Variants in CFDP1 observed in about 807,000 individuals in gnomAD.
The protein encoded by CFDP1 is heterochromatin-stabilizing protein CFDP1.
A neutral mutation model predicts 40.1 loss-of-function variants in CFDP1; 31 were observed. The ratio of observed to expected loss-of-function variants is 0.77; its 90% CI spans 0.58 to 1.04. The LOEUF (loss-of-function observed/expected upper bound fraction) is 1.04. CFDP1 is among the 50% of genes least tolerant of loss of function. The probability of loss-of-function intolerance (pLI) is 0.00; values close to 1 mark genes in which losing one functional copy is unlikely to be tolerated. For synonymous variants in CFDP1, 167 were observed against 120.0 expected (o/e 1.39, Z -2.56); for missense variants, 423 against 343.4 (o/e 1.23, Z -1.83).
chr16:75,400,163 T>G (rs1333128884), intron 4 of CFDP1, among the ~76,000 whole-genome samples: 1 of 149,460 alleles, frequency 6.7e-6, no homozygotes, highest in Non-Finnish European at 1.5e-5. Flanking sequence ...GCACCTGTAG[T>G]CCTAGATGCT....
At chr16:75,383,726 G>C (rs536065466) in intron 5 of CFDP1, among the ~76,000 whole-genome samples, 31 of 151,444 alleles carry the variant, frequency 2.0e-4, no homozygotes, top group African/African-American at 7.5e-4. Context: ...AGCTGAGGCA[G>C]GAGAATTGCT....
At chr16:75,297,636 T>G (rs1295632942) in intron 6 of CFDP1, among the ~76,000 whole-genome samples, 1 of 152,218 alleles carries the variant, frequency 6.6e-6, no homozygotes, top group Non-Finnish European at 1.5e-5. Context: ...CAGGGAAGCC[T>G]AGTGGTGGGG....
At chr16:75,351,075 T>C (rs1010460271) in intron 5 of CFDP1, among the ~76,000 whole-genome samples, 3 of 152,156 alleles carry the variant, frequency 2.0e-5, no homozygotes, top group East Asian at 1.9e-4. Flanking sequence ...AATAGGTCAA[T>C]GTATGTATTG....
intron 5 of CFDP1, among the ~76,000 whole-genome samples, chr16:75,357,580 C>T (rs1480169499): frequency 6.6e-6 from 1 of 152,150 alleles, no homozygotes. Context: ...AGGAAAGAAT[C>T]TCATGAACAA....
chr16:75,357,306 G>A (rs186280661), intron 5 of CFDP1, among the ~76,000 whole-genome samples: 1 of 151,982 alleles, frequency 6.6e-6, no homozygotes, highest in East Asian at 1.9e-4. Flanking sequence ...CCAGGATGGA[G>A]TGTAGTGGCA....
rs1002769443 is a variant in CFDP1, at chr16:75,431,473, AAAAAG to A, written c.64+1811_64+1815del. 2.1e-4 allele frequency among the ~76,000 whole-genome samples: 31 copies of A among 146,250 alleles called. 1 individual carries two copies. Among genetic ancestry groups the A allele is most frequent in the African/African-American group, 7.1e-4 (27 of 37,980 alleles). On this transcript the variant is annotated intron_variant, in intron 1 of 6. Coordinates refer to ENST00000283882, the MANE Select transcript of CFDP1 (RefSeq NM_006324.3). ...TTGTCTCAAAAAAAAAAAAAAAAAA[AAAAAG>A]AAAAGAAAAGAAAATCGATCGGGTG...
At chr16:75,318,645 C>A (rs538857199) in intron 5 of CFDP1, among the ~76,000 whole-genome samples, 154 of 152,196 alleles carry the variant, frequency 1.0e-3, no homozygotes, top group Non-Finnish European at 1.4e-3. Context: ...ACCTTGTGAT[C>A]CGCCCGCCTT....
chr16:75,302,984 G>A (rs1466396635), intron 6 of CFDP1, among the ~76,000 whole-genome samples: 2 of 152,090 alleles, frequency 1.3e-5, no homozygotes, highest in Non-Finnish European at 2.9e-5. Context: ...CAGATCACCC[G>A]AGGTCAGGAG....
chr16:75,324,229 G>A (rs1263671169), intron 5 of CFDP1, among the ~76,000 whole-genome samples: 1 of 152,148 alleles, frequency 6.6e-6, no homozygotes, highest in Admixed American at 6.5e-5. Flanking sequence ...GAGAGGGTGG[G>A]GGAGGTGTCT....
chr16:75,307,686 G>A (rs1225081107), intron 5 of CFDP1, among the ~76,000 whole-genome samples: 1 of 152,064 alleles, frequency 6.6e-6, no homozygotes, highest in Non-Finnish European at 1.5e-5. Context: ...AGTCTCCTGA[G>A]GTGCAGAGAC....
At chr16:75,327,317 A>G (rs553902287) in intron 5 of CFDP1, among the ~76,000 whole-genome samples, 227 of 152,234 alleles carry the variant, frequency 1.5e-3, no homozygotes, top group Admixed American at 2.0e-3. Flanking sequence ...GAAGACATGG[A>G]ATCCAAGAAA....
chr16:75,399,120 T>C (rs2079025797), intron 4 of CFDP1, among the ~76,000 whole-genome samples: 1 of 150,928 alleles, frequency 6.6e-6, no homozygotes, highest in Non-Finnish European at 1.5e-5. Flanking sequence ...CACTGTCTGA[T>C]TACAACTGTA....
At chr16:75,303,095 G>T (rs1022952791) in intron 6 of CFDP1, among the ~76,000 whole-genome samples, 1 of 150,954 alleles carries the variant, frequency 6.6e-6, no homozygotes, top group Admixed American at 6.6e-5. Context: ...AGCTACTTGG[G>T]AGGCTGAGGC....
intron 2 of CFDP1, 62 bp downstream of exon 2, chr16:75,414,516 T>C: frequency 1.0e-6 from 1 of 963,566 alleles, no homozygotes; most frequent in Non-Finnish European, 1.7e-6. Flanking sequence ...AGACCAATCT[T>C]AGCAATCAGG....
In CFDP1 at chr16:75,319,472, G is replaced by A. The variant is rs142100722; in HGVS notation, c.651-14290C>T. Among the ~76,000 whole-genome samples, 1,301 of 152,232 alleles carry A rather than the reference G, an allele frequency of 8.5e-3. 14 individuals carry two copies. The highest frequency in any genetic ancestry group is 0.02 in the African/African-American group (824 of 41,524). On this transcript the variant is annotated intron_variant, in intron 5 of 6. Coordinates refer to ENST00000283882, the MANE Select transcript of CFDP1 (RefSeq NM_006324.3). ...TTGGGGGGGAACGTGCTTTATGGTC[G>A]TTGCATTACACGAGACTGAAGTGGT...
intron 5 of CFDP1, among the ~76,000 whole-genome samples, chr16:75,339,935 C>T (rs1037582501): frequency 1.3e-5 from 2 of 152,164 alleles, no homozygotes; most frequent in Non-Finnish European, 2.9e-5. Context: ...TTAAGATGAT[C>T]AATCCATTTT....
Position 75,411,958 on chromosome 16 carries a change from A to G in CFDP1, c.403-6T>C. The G allele has an allele frequency of 6.3e-7, 1 of 1,583,770 alleles. No individual in the cohort carries two copies. The highest frequency in any genetic ancestry group is 8.5e-7 in the Non-Finnish European group (1 of 1,172,796). On this transcript the variant is annotated splice_polypyrimidine_tract_variant and splice_region_variant and intron_variant, in intron 3 of 6. Transcript: ENST00000283882. ...TCTTCAGTCTCCTCTCCTTTCTATA[A>G]AAAAAACAAGAAATGTAATGTTTCA...
At chr16:75,402,443 T>C (rs892842605) in intron 4 of CFDP1, among the ~76,000 whole-genome samples, 4 of 152,170 alleles carry the variant, frequency 2.6e-5, no homozygotes, top group Admixed American at 2.6e-4. Flanking sequence ...CAAAATACTA[T>C]ATTCCCCCAT....
At chr16:75,336,836 C>CATTTAA (rs1377806326) in intron 5 of CFDP1, among the ~76,000 whole-genome samples, 1 of 152,212 alleles carries the variant, frequency 6.6e-6, no homozygotes, top group Non-Finnish European at 1.5e-5. Context: ...ACCTCCTTGT[C>CATTTAA]ATTTAAATTT....
Sources: allele counts gnomAD v4.1 joint callset (sites outside exome capture counted in the v4.1 genomes callset), GRCh38; gene constraint gnomAD v4.1.1; transcripts MANE v1.5; gene names NCBI Gene and HGNC (gene_info 2026-07-23, HGNC 2026-07-21).